CFAP20DC: variants seen among roughly 807,000 people sequenced by gnomAD.
CFAP20DC encodes the protein protein CFAP20DC.
Under a neutral mutation model 101.7 loss-of-function variants are expected in CFAP20DC, and 84 were observed. That is an observed-to-expected ratio of 0.83 (90% CI 0.69 to 0.99). The LOEUF (loss-of-function observed/expected upper bound fraction) is 0.99. Among genes scored for constraint, CFAP20DC ranks in the 50% least tolerant of loss-of-function variants. The probability of loss-of-function intolerance (pLI) is 0.00; values close to 1 mark genes in which losing one functional copy is unlikely to be tolerated. For synonymous variants in CFAP20DC, 359 were observed against 351.2 expected, an observed-to-expected ratio of 1.02 and a Z score of -0.25; for missense variants, 1,007 against 970.3, an observed-to-expected ratio of 1.04 and a Z score of -0.50.
chr3:58,910,052 A>G (rs541179228), intron 6 of CFAP20DC, among the ~76,000 whole-genome samples: 1 of 152,302 alleles, frequency 6.6e-6, no homozygotes, highest in East Asian at 1.9e-4. Context: ...CGTCCCTGCA[A>G]AGGACATGAT....
chr3:58,842,296 C>T (rs931400294), intron 13 of CFAP20DC, among the ~76,000 whole-genome samples: 5 of 152,162 alleles, frequency 3.3e-5, no homozygotes, highest in Admixed American at 6.5e-5. Context: ...GGGCGCAGGC[C>T]AGTGGGTGCG....
chr3:58,969,748 A>T (rs938267665), intron 4 of CFAP20DC, among the ~76,000 whole-genome samples: 3 of 152,196 alleles, frequency 2.0e-5, no homozygotes, highest in African/African-American at 7.2e-5. Flanking sequence ...AAACCTTGAA[A>T]ACATTATGCT....
At chr3:58,734,981 T>C (rs886969144) in intron 3 of CFAP20DC, among the ~76,000 whole-genome samples, 3 of 152,204 alleles carry the variant, frequency 2.0e-5, no homozygotes, top group Non-Finnish European at 2.9e-5. Context: ...TTGAAATAGA[T>C]GGCATCTTTA....
In CFAP20DC at chr3:58,861,671, C is replaced by T; in HGVS notation, c.1593+1887G>A. 1.0e-6 allele frequency: 1 copy of T among 985,304 alleles called. No individual in the cohort carries two copies. Among genetic ancestry groups the T allele is most frequent in the Non-Finnish European group, 1.2e-6 (1 of 829,922 alleles). 61.0% of individuals were successfully genotyped at this position (985,304 alleles called of 1,614,324 possible). On this transcript the variant is annotated intron_variant, in intron 12 of 16. Transcript: ENST00000482387. The surrounding 1 kb of genome is among the most constrained non-coding windows in gnomAD (Gnocchi z 4.0). Reference sequence around the variant, plus strand: ...CTCGTTAGTCTCTGTACCAGCAAACCCCAAAGCTTGATAATGTGGCAGGTG... The same window carrying T: ...CTCGTTAGTCTCTGTACCAGCAAACTCCAAAGCTTGATAATGTGGCAGGTG...
At chr3:58,726,744 G>A in intron 3 of CFAP20DC, 1 of 220,438 alleles carries the variant, frequency 4.5e-6, no homozygotes, top group East Asian at 1.7e-4. Flanking sequence ...CACACCATCA[G>A]AAGAGATGAG....
At chr3:58,726,926 C>A in intron 3 of CFAP20DC, 1 of 247,636 alleles carries the variant, frequency 4.0e-6, no homozygotes, top group South Asian at 3.5e-5. Context: ...GAGAGCGACC[C>A]ATCCCTTCCA....
chr3:58,945,946 C>T (rs139333763), intron 4 of CFAP20DC, among the ~76,000 whole-genome samples: 3,364 of 151,786 alleles, frequency 0.022, 69 homozygotes, highest in Non-Finnish European at 0.037. Context: ...CGGCCCACCT[C>T]GACCTCCCAA....
chr3:58,786,899 G>A (rs1212742699), intron 15 of CFAP20DC, among the ~76,000 whole-genome samples: 1 of 151,564 alleles, frequency 6.6e-6, no homozygotes, highest in Non-Finnish European at 1.5e-5. Context: ...ATATCTTACT[G>A]TGTCAATTTA....
At position 59,007,242 on chromosome 3, in the gene CFAP20DC, G is replaced by T. The variant is rs146629379; in HGVS notation, c.278+32315C>A. 5.6e-3 allele frequency among the ~76,000 whole-genome samples: 851 copies of T among 152,192 alleles called. 5 individuals are homozygous for T. Among genetic ancestry groups the T allele is most frequent in the African/African-American group, 0.019 (794 of 41,502 alleles). On this transcript the variant is annotated intron_variant, in intron 4 of 16. Transcript: ENST00000482387. The surrounding 1 kb of genome is among the most constrained non-coding windows in gnomAD (Gnocchi z 4.4). The stretch of plus-strand genomic sequence containing the variant: ...CACCTAATCCTGCCCCCATCTGAAG[G>T]TACTCCTCTACCCGCCCTGGTAGCT...
chr3:59,004,338 T>C (rs1292624342), intron 4 of CFAP20DC, among the ~76,000 whole-genome samples: 2 of 152,174 alleles, frequency 1.3e-5, no homozygotes, highest in African/African-American at 4.8e-5. Context: ...TTTTCAACCA[T>C]AAACAAATGA....
At chr3:59,039,221 C>T (rs950862248) in intron 4 of CFAP20DC, among the ~76,000 whole-genome samples, 2 of 151,808 alleles carry the variant, frequency 1.3e-5, no homozygotes, top group Non-Finnish European at 2.9e-5. Context: ...AATAGCAGAC[C>T]GTACAAAACA....
chr3:59,018,264 T>C (rs1402755068), intron 4 of CFAP20DC: 1 of 152,158 alleles, frequency 6.6e-6, no homozygotes, highest in Non-Finnish European at 1.5e-5. Context: ...AATTCCACTT[T>C]ATTTTGTAAC....
chr3:58,787,308 G>C (rs1463676369), intron 15 of CFAP20DC, among the ~76,000 whole-genome samples: 4 of 128,124 alleles, frequency 3.1e-5, no homozygotes, highest in African/African-American at 1.2e-4. Context: ...ATGGACACAG[G>C]AAGGGGAACA....
At chr3:58,984,428 A>C (rs1285481401) in intron 4 of CFAP20DC, among the ~76,000 whole-genome samples, 1 of 152,198 alleles carries the variant, frequency 6.6e-6, no homozygotes, top group East Asian at 1.9e-4. Context: ...CCACATGGTG[A>C]CACCAGCAAA....
chr3:58,780,304 C>T (rs1575619553), intron 15 of CFAP20DC, among the ~76,000 whole-genome samples: 1 of 151,916 alleles, frequency 6.6e-6, no homozygotes, highest in Middle Eastern at 3.4e-3. Context: ...GGTAAACAAA[C>T]AAAGAAGATA....
chr3:58,806,968 A>G (rs2074123100), intron 14 of CFAP20DC, among the ~76,000 whole-genome samples: 1 of 152,168 alleles, frequency 6.6e-6, no homozygotes, highest in African/African-American at 2.4e-5. Context: ...ACTGACTGCT[A>G]GCACAGCAGT....
rs1490102240 is a variant in CFAP20DC at position 58,861,949 on chromosome 3, AG to A, written c.1593+1608del. ...ATAAACGTTGAAGGATGTCAGAGGCAGAGTAGCTACAGCAAAAGAAAGCATT... is the reference window on the plus strand; with the variant it reads ...ATAAACGTTGAAGGATGTCAGAGGCAAGTAGCTACAGCAAAAGAAAGCATT... On this transcript the variant is annotated intron_variant, in intron 12 of 16. Coordinates refer to ENST00000482387, the MANE Select transcript of CFAP20DC (RefSeq NM_001394063.1). The surrounding 1 kb of genome is among the most constrained non-coding windows in gnomAD (Gnocchi z 4.0). 4.1e-6 allele frequency: 4 copies of A among 984,888 alleles called. No homozygotes were observed. The African/African-American group carries it at 7.0e-5, about 17-fold the overall frequency. The allele number at this position is 984,888 out of a possible 1,614,324, so 61.0% of individuals were successfully genotyped here. A position where few individuals can be genotyped will look rare whatever the true frequency, so the allele number is the denominator to read the frequency against.
rs1423359590 is a variant in CFAP20DC, at chr3:58,724,333, G to A, written c.198-6705C>T. 6.6e-6 allele frequency among the ~76,000 whole-genome samples: 1 copy of A among 152,194 alleles called. No homozygotes were observed. Among genetic ancestry groups the A allele is most frequent in the Non-Finnish European group, 1.5e-5 (1 of 68,038 alleles). On this transcript the variant is annotated intron_variant, in intron 3 of 3. Coordinates refer to the CFAP20DC transcript ENST00000486145. The surrounding 1 kb of genome is among the most constrained non-coding windows in gnomAD (Gnocchi z 5.6). ...GTATAAACTGGCCATAAAAATATGG[G>A]ACAATAAGTTGTGGAAAGCCACAAG...
intron 14 of CFAP20DC, among the ~76,000 whole-genome samples, chr3:58,811,686 A>G (rs1399213651): frequency 2.0e-5 from 3 of 152,168 alleles, no homozygotes; most frequent in Non-Finnish European, 4.4e-5. Flanking sequence ...AATGGCAACA[A>G]AAGCCAAAAT....
Sources: allele counts gnomAD v4.1 joint callset (sites outside exome capture counted in the v4.1 genomes callset), GRCh38; gene constraint gnomAD v4.1.1; non-coding constraint Gnocchi (gnomAD v3.1); transcripts MANE v1.5; gene names NCBI Gene and HGNC (gene_info 2026-07-23, HGNC 2026-07-21).